STAB2: variants seen among roughly 807,000 people sequenced by gnomAD.
The protein encoded by STAB2 is stabilin 2, also known as stabilin-2.
A neutral mutation model predicts 338.1 loss-of-function variants in STAB2; 288 were observed. That is an observed-to-expected ratio of 0.85 (90% CI 0.77 to 0.94). STAB2 has a LOEUF of 0.94. Among genes scored for constraint, STAB2 ranks in the 40% least tolerant of loss-of-function variants. STAB2 has a pLI of 0.00. For missense variants in STAB2, 3,141 were observed against 3,210.1 expected (o/e 0.98, Z 0.52); for synonymous variants, 1,202 against 1,193.3 (o/e 1.01, Z -0.15).
intron 68 of STAB2, 122 bp from the exon 69 acceptor site, chr12:103,766,164 C>A: frequency 1.5e-6 from 2 of 1,320,932 alleles, no homozygotes; most frequent in Non-Finnish European, 1.1e-6. Context: ...CAAACACGCC[C>A]AGCACATACG....
At chr12:103,602,717 C>T (rs529638182) in intron 3 of STAB2, among the ~76,000 whole-genome samples, 75 of 152,086 alleles carry the variant, frequency 4.9e-4, no homozygotes, top group African/African-American at 1.4e-3. Flanking sequence ...TTTTTTCATG[C>T]GCTTATTTGC....
chr12:103,717,761 C>A lies in STAB2; in HGVS notation c.4612-9C>A, dbSNP rs201285339. ...CAAAATGACCCCATGTGCTTCTACT[C>A]CTGGACAGGCTGCCTGTAACTGTTT... On this transcript the variant is annotated splice_polypyrimidine_tract_variant and intron_variant, in intron 43 of 68. Transcript: ENST00000388887. 1 of 1,614,088 alleles carries A rather than the reference C, an allele frequency of 6.2e-7. No individual in the cohort carries two copies. The highest frequency in any genetic ancestry group is 1.7e-5 in the Admixed American group (1 of 60,008).
intron 9 of STAB2, among the ~76,000 whole-genome samples, chr12:103,644,017 C>T (rs543893591): frequency 4.4e-4 from 43 of 98,658 alleles, no homozygotes; most frequent in Middle Eastern, 4.0e-3. Context: ...AGCCACCACC[C>T]CGTCTGGGAG....
intron 17 of STAB2, among the ~76,000 whole-genome samples, chr12:103,662,278 A>G (rs189595797): frequency 5.9e-5 from 9 of 152,298 alleles, no homozygotes; most frequent in Non-Finnish European, 1.2e-4. Flanking sequence ...AGCCAGGATA[A>G]CTCATGGAGC....
intron 1 of STAB2, among the ~76,000 whole-genome samples, chr12:103,590,434 T>TGGCACG (rs1353928304): frequency 6.6e-6 from 1 of 152,210 alleles, no homozygotes; most frequent in Non-Finnish European, 1.5e-5. Context: ...ACTGGCACAG[T>TGGCACG]GCTGGCTCCA....
At chr12:103,633,003 C>T (rs1427553134) in intron 6 of STAB2, among the ~76,000 whole-genome samples, 2 of 152,196 alleles carry the variant, frequency 1.3e-5, no homozygotes, top group Non-Finnish European at 2.9e-5. Flanking sequence ...ATGCCGTGAG[C>T]GGTGGTAGTA....
intron 51 of STAB2, among the ~76,000 whole-genome samples, chr12:103,733,762 CATGATCATATAGGAACATAT>C (rs1881838049): frequency 6.6e-6 from 1 of 151,842 alleles, no homozygotes; most frequent in South Asian, 2.1e-4. Context: ...TAGGAACATA[CATGATCATATAGGAACATAT>C]ATGATCATAT....
At chr12:103,727,171 C>A in intron 46 of STAB2, 96 bp from the exon 47 acceptor site, 2 of 1,300,708 alleles carry the variant, frequency 1.5e-6, no homozygotes, top group African/African-American at 1.5e-5. Context: ...CCAGTCTTTG[C>A]TTCACCCAGG....
intron 5 of STAB2, among the ~76,000 whole-genome samples, chr12:103,629,098 G>A (rs1160437412): frequency 6.6e-6 from 1 of 152,124 alleles, no homozygotes; most frequent in Non-Finnish European, 1.5e-5. Context: ...CAATCTAATA[G>A]GGGAGAAAAA....
Position 103,759,163 on chromosome 12 carries a change from C to A in STAB2, c.7138C>A (p.Leu2380Ile). 1 of 1,614,184 alleles carries A rather than the reference C, an allele frequency of 6.2e-7. No individual in the cohort carries two copies. Among genetic ancestry groups the A allele is most frequent in the Non-Finnish European group, 8.5e-7 (1 of 1,180,036 alleles). ...TLSGRDIEHHLANVSMFFYND... is the reference protein window; with the variant it reads ...TLSGRDIEHHIANVSMFFYND... ...GTCTGGGCGGGACATCGAGCACCAC[C>A]TCGCCAATGTCAGCATGTTTTTCTA... The change falls in exon 65 of 69, where the codon CTC (leucine) becomes ATC (isoleucine). Residue 2380 changes from leucine to isoleucine, a missense_variant. Coordinates refer to ENST00000388887, the MANE Select transcript of STAB2 (RefSeq NM_017564.10).
intron 15 of STAB2, among the ~76,000 whole-genome samples, chr12:103,658,945 A>G (rs1245926626): frequency 6.6e-6 from 1 of 152,150 alleles, no homozygotes; most frequent in Non-Finnish European, 1.5e-5. Context: ...GCATCAGAGC[A>G]TGTAATAACA....
At chr12:103,698,280 G>C (rs1878571275) in intron 33 of STAB2, among the ~76,000 whole-genome samples, 1 of 152,118 alleles carries the variant, frequency 6.6e-6, no homozygotes, top group South Asian at 2.1e-4. Context: ...CAATCACTTA[G>C]GAACCTTCTC....
chr12:103,732,682 G>A (rs1881725646), intron 50 of STAB2, among the ~76,000 whole-genome samples: 1 of 152,152 alleles, frequency 6.6e-6, no homozygotes, highest in Non-Finnish European at 1.5e-5. Flanking sequence ...GTGCATGCCA[G>A]TAGTCCCAGC....
At chr12:103,715,272 C>T (rs1430061279) in intron 42 of STAB2, among the ~76,000 whole-genome samples, 1 of 152,156 alleles carries the variant, frequency 6.6e-6, no homozygotes, top group African/African-American at 2.4e-5. Context: ...ATTTTGACCA[C>T]TCAGTGAAGG....
intron 55 of STAB2, 102 bp downstream of exon 55, chr12:103,740,858 A>T: frequency 7.1e-7 from 1 of 1,415,654 alleles, no homozygotes; most frequent in Non-Finnish European, 9.3e-7. Context: ...GATGGGGGAA[A>T]CACTGCTAAT....
Position 103,650,501 on chromosome 12 carries a change from G to A in STAB2, c.1180G>A (p.Ala394Thr). The part of the protein sequence containing the change: ...LTSFISLLDK[A>T]YAWPLSKLGP... ...GTGTTATTTCGACTCCTAAGACAAA[G>A]CTTATGCCTGGCCACTGAGTAAGCT... The change falls in exon 11 of 69, where the codon GCT becomes ACT. Residue 394 changes from alanine to threonine, a missense_variant. Coordinates refer to ENST00000388887, the MANE Select transcript of STAB2 (RefSeq NM_017564.10). 2 of 1,612,938 alleles carry A rather than the reference G, an allele frequency of 1.2e-6. No individual in the cohort carries two copies. The highest frequency in any genetic ancestry group is 1.7e-6 in the Non-Finnish European group (2 of 1,179,102).
chr12:103,675,804 C>G, intron 23 of STAB2, 124 bp from the exon 24 acceptor site: 1 of 674,598 alleles, frequency 1.5e-6, no homozygotes. Flanking sequence ...TGAGCGCTGG[C>G]TTCCTCCACA....
chr12:103,727,198 ATTAG>A (rs1473446348), intron 46 of STAB2, 65 bp from the exon 47 acceptor site: 16 of 1,534,568 alleles, frequency 1.0e-5, no homozygotes, highest in Non-Finnish European at 1.4e-5. Flanking sequence ...CATCTCTGGT[ATTAG>A]TTTGAGCCCC....
chr12:103,720,221 T>TA lies in STAB2; in HGVS notation c.4683+2389dup, dbSNP rs370592859. On this transcript the variant is annotated intron_variant, in intron 44 of 68. Coordinates refer to ENST00000388887, the MANE Select transcript of STAB2 (RefSeq NM_017564.10). ...TCTTCCATGGGCCATTCATGTTTTGTAAAAAAAAATGGCCACCTTGTCTTG... is the reference window on the plus strand; with the variant it reads ...TCTTCCATGGGCCATTCATGTTTTGTAAAAAAAAAATGGCCACCTTGTCTTG... 3.2e-3 allele frequency among the ~76,000 whole-genome samples: 478 copies of TA among 151,608 alleles called. 4 individuals are homozygous for TA. Among genetic ancestry groups the TA allele is most frequent in the Middle Eastern group, 0.027 (8 of 294 alleles).
Sources: allele counts gnomAD v4.1 joint callset (sites outside exome capture counted in the v4.1 genomes callset), GRCh38; gene constraint gnomAD v4.1.1; transcripts MANE v1.5; gene names NCBI Gene and HGNC (gene_info 2026-07-23, HGNC 2026-07-21).